DNAH3: variants seen among roughly 807,000 people sequenced by gnomAD.
DNAH3 encodes axonemal beta dynein heavy chain 3.
DNAH3 carries 332 observed loss-of-function variants against 432.5 expected under a neutral mutation model. The ratio of observed to expected loss-of-function variants is 0.77; its 90% CI spans 0.70 to 0.84. The LOEUF is 0.84. DNAH3 is among the 40% of genes least tolerant of loss of function. The pLI is 0.00. For synonymous variants in DNAH3, 1,956 were observed against 1,900.2 expected (o/e 1.03, Z -0.76); for missense variants, 4,861 against 5,114.0 (o/e 0.95, Z 1.51).
chr16:21,140,770 T>C, intron 4 of DNAH3, 60 bp from the exon 6 acceptor site: 2 of 1,534,444 alleles, frequency 1.3e-6, no homozygotes, highest in South Asian at 2.4e-5. Flanking sequence ...TGCTGTGGTG[T>C]TGCCTACTTT....
intron 51 of DNAH3, among the ~76,000 whole-genome samples, chr16:20,970,690 G>C (rs924435381): frequency 6.6e-6 from 1 of 152,084 alleles, no homozygotes; most frequent in African/African-American, 2.4e-5. Flanking sequence ...AATGTAATCA[G>C]ATCACAGTAA....
chr16:21,052,801 T>C (rs2090003080), intron 28 of DNAH3, among the ~76,000 whole-genome samples: 1 of 152,204 alleles, frequency 6.6e-6, no homozygotes, highest in Non-Finnish European at 1.5e-5. Flanking sequence ...ATAACCCTTT[T>C]GGTCCCATTT....
At chr16:21,048,131 T>C (rs2089790526) in intron 31 of DNAH3, among the ~76,000 whole-genome samples, 1 of 152,230 alleles carries the variant, frequency 6.6e-6, no homozygotes. Context: ...GTCTTTTTGT[T>C]TGTCTGTGCC....
chr16:21,139,328 T>TTTTTTTTG, intron 5 of DNAH3, among the ~76,000 whole-genome samples: 1 of 125,780 alleles, frequency 8.0e-6, no homozygotes, highest in African/African-American at 3.1e-5. Flanking sequence ...TGCTTTTTTT[T>TTTTTTTTG]TTTTTTTTTT....
intron 31 of DNAH3, among the ~76,000 whole-genome samples, chr16:21,046,892 A>G (rs1385233289): frequency 6.6e-6 from 1 of 151,374 alleles, no homozygotes; most frequent in Non-Finnish European, 1.5e-5. Context: ...ATTTCTCAGC[A>G]TTTGCTTGTC....
chr16:20,944,776 G>GACAC (rs71377697), intron 57 of DNAH3, 113 bp from the exon 58 acceptor site: 107,873 of 697,426 alleles, frequency 0.15, 3,423 homozygotes, highest in Middle Eastern at 0.21. Context: ...AGTAGCACAG[G>GACAC]ACACACACAC....
intron 49 of DNAH3, 50 bp from the exon 50 acceptor site, chr16:20,979,596 G>T: frequency 1.3e-6 from 2 of 1,523,954 alleles, no homozygotes; most frequent in South Asian, 1.1e-5. Flanking sequence ...CTTCCAGGGA[G>T]ATCCAGTACA....
exon 53 of DNAH3, chr16:20,964,370 T>C: frequency 6.2e-7 from 1 of 1,614,184 alleles, no homozygotes; most frequent in East Asian, 2.2e-5. Context: ...CGGGTTGTGA[T>C]GTATAACTTA....
intron 7 of DNAH3, among the ~76,000 whole-genome samples, chr16:21,132,426 C>G (rs2092577937): frequency 6.6e-6 from 1 of 152,218 alleles, no homozygotes; most frequent in Non-Finnish European, 1.5e-5. Context: ...TGTCTTCATC[C>G]TCTCACCAGG....
At chr16:21,103,144 A>G (rs1033011380) in intron 16 of DNAH3, among the ~76,000 whole-genome samples, 6 of 152,106 alleles carry the variant, frequency 3.9e-5, no homozygotes, top group Admixed American at 6.6e-5. Flanking sequence ...GAATGATACA[A>G]TGGACTTTGG....
Position 21,121,025 on chromosome 16 carries a change from CCT to C in DNAH3, c.1585-173_1585-172del, listed in dbSNP as rs1218726201. The C allele has an allele frequency of 4.3e-6, 3 of 699,734 alleles. No individual in the cohort carries two copies. In the Admixed American group the frequency reaches 6.0e-5, roughly 14 times the overall value. 43.3% of individuals were successfully genotyped at this position (699,734 alleles called of 1,614,324 possible). On this transcript the variant is annotated intron_variant, in intron 10 of 61. Coordinates refer to ENST00000261383, the Ensembl canonical transcript of DNAH3. ...GATTGCAAAGAGAAGAATGCTTGGGCCTCCTTGCACTGCAACCTTGAACTCCT... is the reference window on the plus strand; with the variant it reads ...GATTGCAAAGAGAAGAATGCTTGGGCCCTTGCACTGCAACCTTGAACTCCT...
chr16:21,048,819 G>A (rs1405446628), intron 31 of DNAH3, among the ~76,000 whole-genome samples: 6 of 151,520 alleles, frequency 4.0e-5, no homozygotes, highest in Admixed American at 6.6e-5. Context: ...TCAGCCTCCC[G>A]AGTAGCTGGG....
chr16:21,131,854 CAA>C (rs528482208), intron 7 of DNAH3, among the ~76,000 whole-genome samples: 3,201 of 67,494 alleles, frequency 0.047, 59 homozygotes, highest in African/African-American at 0.14. Flanking sequence ...AACTCCATCT[CAA>C]AAAAAAAAAA....
At chr16:21,019,367 C>T in intron 41 of DNAH3, 2 of 470,162 alleles carry the variant, frequency 4.3e-6, no homozygotes, top group East Asian at 4.1e-5. Flanking sequence ...ACCATGTTGG[C>T]CAGGCCGGTC....
intron 19 of DNAH3, among the ~76,000 whole-genome samples, chr16:21,083,563 T>C (rs568971823): frequency 1.3e-5 from 2 of 152,356 alleles, no homozygotes; most frequent in East Asian, 3.9e-4. Context: ...TGCTGTTATC[T>C]ATAAAGTCTG....
exon 51 of DNAH3, chr16:20,975,350 A>G: frequency 6.2e-7 from 1 of 1,614,108 alleles, no homozygotes; most frequent in South Asian, 1.1e-5. Context: ...TCATCTTGGC[A>G]GTTTCCTCGG....
intron 1 of DNAH3, among the ~76,000 whole-genome samples, chr16:21,153,014 C>G (rs1314950901): frequency 6.6e-6 from 1 of 152,256 alleles, no homozygotes; most frequent in African/African-American, 2.4e-5. Flanking sequence ...GGCAGCTCCA[C>G]CTGCAGCCCC....
chr16:21,099,933 A>G (rs1176528980), intron 16 of DNAH3, among the ~76,000 whole-genome samples: 1 of 152,158 alleles, frequency 6.6e-6, no homozygotes, highest in African/African-American at 2.4e-5. Flanking sequence ...AATAATCAAT[A>G]CTCTTCAAAC....
At chr16:21,104,067 T>C (rs1182870257) in intron 16 of DNAH3, 3 of 187,260 alleles carry the variant, frequency 1.6e-5, no homozygotes, top group South Asian at 1.2e-4. Flanking sequence ...AGCTGCAAAA[T>C]AGGCAATTTC....
Sources: allele counts gnomAD v4.1 joint callset (sites outside exome capture counted in the v4.1 genomes callset), GRCh38; gene constraint gnomAD v4.1.1; transcripts MANE v1.5; gene names NCBI Gene and HGNC (gene_info 2026-07-23, HGNC 2026-07-21).